Variants in TMEM232 observed in about 807,000 individuals in gnomAD.
TMEM232 encodes transmembrane protein 232.
TMEM232 carries 80 observed loss-of-function variants against 78.8 expected under a neutral mutation model. The ratio of observed to expected loss-of-function variants is 1.01; its 90% CI spans 0.85 to 1.22. The LOEUF is 1.22. Among genes scored for constraint, TMEM232 ranks in the 50% most tolerant of loss-of-function variants. The pLI is 0.00. For synonymous variants in TMEM232, 297 were observed against 254.3 expected (o/e 1.17, Z -1.60); for missense variants, 881 against 742.2 (o/e 1.19, Z -2.17).
intron 2 of TMEM232, among the ~76,000 whole-genome samples, chr5:110,654,483 G>C (rs961855561): frequency 1.3e-5 from 2 of 152,048 alleles, no homozygotes; most frequent in Non-Finnish European, 2.9e-5. Flanking sequence ...TATTTCTGAG[G>C]GCTCTGTTCT....
chr5:110,704,653 T>C (rs1795750198), intron 1 of TMEM232, among the ~76,000 whole-genome samples: 1 of 152,084 alleles, frequency 6.6e-6, no homozygotes, highest in African/African-American at 2.4e-5. Flanking sequence ...CAAGTGGACA[T>C]TGAAACCCTG....
chr5:110,516,539 T>C (rs548102247), intron 12 of TMEM232, among the ~76,000 whole-genome samples: 12 of 152,148 alleles, frequency 7.9e-5, no homozygotes, highest in Non-Finnish European at 1.6e-4. Flanking sequence ...GTAGAACTAT[T>C]ACATACCTAT....
intron 8 of TMEM232, among the ~76,000 whole-genome samples, chr5:110,616,199 A>G (rs1437864969): frequency 6.6e-6 from 1 of 152,080 alleles, no homozygotes; most frequent in East Asian, 1.9e-4. Flanking sequence ...TAATCAAAAC[A>G]GCACGGCAAT....
At chr5:110,665,571 C>G (rs746625246) in intron 2 of TMEM232, among the ~76,000 whole-genome samples, 3 of 152,060 alleles carry the variant, frequency 2.0e-5, no homozygotes, top group Non-Finnish European at 4.4e-5. Context: ...ATCAAACAAC[C>G]AGACTGCATA....
Position 110,469,448 on chromosome 5 carries a change from A to G in TMEM232, c.1704-44532T>C, listed in dbSNP as rs78864105. ...TCATGGCTGTGCCCTGCCTCCTCAG[A>G]GACCAAGCTGAAGTTACACATTCCT... is the stretch of plus-strand genomic sequence containing the variant. On this transcript the variant is annotated intron_variant, in intron 12 of 13. Transcript: ENST00000455884. 1.1e-4 allele frequency among the ~76,000 whole-genome samples: 16 copies of G among 152,282 alleles called. No individual in the cohort carries two copies. The East Asian group carries it at 3.1e-3, about 29-fold the overall frequency.
Position 110,590,483 on chromosome 5 carries a change from A to C in TMEM232, c.1276+14626T>G, listed in dbSNP as rs371841983. Among the ~76,000 whole-genome samples, 10 of 152,194 alleles carry C rather than the reference A, an allele frequency of 6.6e-5. 1 individual carries two copies. Among genetic ancestry groups the C allele is most frequent in the East Asian group, 5.8e-4 (3 of 5,166 alleles). On this transcript the variant is annotated intron_variant, in intron 10 of 13. Transcript: ENST00000455884. ...GTGAACAGTGCATGAGTGGGATCTAAGTTGCTGCTCCTTATGAAAATTTAA... is the reference window on the plus strand; with the variant it reads ...GTGAACAGTGCATGAGTGGGATCTACGTTGCTGCTCCTTATGAAAATTTAA...
At chr5:110,675,720 G>A (rs1049791664) in intron 1 of TMEM232, among the ~76,000 whole-genome samples, 1 of 152,156 alleles carries the variant, frequency 6.6e-6, no homozygotes, top group African/African-American at 2.4e-5. Context: ...TGCATACATT[G>A]TGAAATGATT....
chr5:110,415,142 G>A (rs571309247), downstream of TMEM232, among the ~76,000 whole-genome samples: 1 of 151,654 alleles, frequency 6.6e-6, no homozygotes, highest in East Asian at 1.9e-4. Flanking sequence ...TTCTCCTGAG[G>A]TACAGAGTAA....
At chr5:110,401,561 T>C (rs537616126) in intron 2 of TMEM232, among the ~76,000 whole-genome samples, 34 of 152,180 alleles carry the variant, frequency 2.2e-4, no homozygotes, top group South Asian at 2.1e-3. Context: ...TTTTATGCTG[T>C]GGTAGCTTGT....
In TMEM232 at chr5:110,546,765, T is replaced by C. The variant is rs1288333143; in HGVS notation, c.1456-17930A>G. On this transcript the variant is annotated intron_variant, in intron 11 of 13. Transcript: ENST00000455884. ...GTCTGAAGACTAATTTTTTAAATCC[T>C]TGTGACATGAAAGGTTTTATATAGT... Among the ~76,000 whole-genome samples, 3 of 152,142 alleles carry C rather than the reference T, an allele frequency of 2.0e-5. No homozygotes were observed. In the East Asian group the frequency reaches 5.8e-4, roughly 29 times the overall value.
intron 10 of TMEM232, among the ~76,000 whole-genome samples, chr5:110,602,259 C>A (rs973464449): frequency 2.5e-4 from 38 of 152,078 alleles, no homozygotes; most frequent in African/African-American, 8.9e-4. Context: ...GACTAAAACA[C>A]CGAAAGCAAT....
At chr5:110,577,644 G>A (rs1296647984) in intron 10 of TMEM232, among the ~76,000 whole-genome samples, 1 of 152,020 alleles carries the variant, frequency 6.6e-6, no homozygotes, top group African/African-American at 2.4e-5. Flanking sequence ...ATAGTAGACT[G>A]GATAAAGAAA....
intron 10 of TMEM232, among the ~76,000 whole-genome samples, chr5:110,577,640 G>C (rs2149714287): frequency 6.6e-6 from 1 of 152,198 alleles, no homozygotes; most frequent in African/African-American, 2.4e-5. Flanking sequence ...ATGAATAGTA[G>C]ACTGGATAAA....
rs1796169958 is a variant in TMEM232 at position 110,708,585 on chromosome 5, A to G, written c.-13+18042T>C. Among the ~76,000 whole-genome samples the G allele has an allele frequency of 4.3e-4, 3 of 6,974 alleles. No homozygotes were observed. In the South Asian group the frequency reaches 7.2e-3, roughly 17 times the overall value. 4.6% of individuals were successfully genotyped at this position (6,974 alleles called of 152,430 possible). ...ATAAAGTTAAAAAACAGGTGGATGA[A>G]GTTAAAAAGAGTTTTTATTAGTTTT... On this transcript the variant is annotated intron_variant, in intron 1 of 13. Coordinates refer to ENST00000455884, the MANE Select transcript of TMEM232 (RefSeq NM_001039763.4).
chr5:110,631,023 T>G (rs946660673), intron 5 of TMEM232, among the ~76,000 whole-genome samples: 1 of 151,964 alleles, frequency 6.6e-6, no homozygotes, highest in East Asian at 1.9e-4. Flanking sequence ...CATGTGAGAG[T>G]ACAGCCATCA....
chr5:110,660,427 A>C (rs1286072059), intron 2 of TMEM232, among the ~76,000 whole-genome samples: 1 of 152,114 alleles, frequency 6.6e-6, no homozygotes, highest in Admixed American at 6.6e-5. Flanking sequence ...CTCAGTAAGG[A>C]AAATTCAAAA....
At chr5:110,717,304 C>G (rs1299805426) in intron 1 of TMEM232, among the ~76,000 whole-genome samples, 3 of 151,758 alleles carry the variant, frequency 2.0e-5, no homozygotes, top group Non-Finnish European at 4.4e-5. Context: ...CTGTAGTTAA[C>G]AGAGGTCCAA....
intron 12 of TMEM232, among the ~76,000 whole-genome samples, chr5:110,472,001 T>G (rs952724721): frequency 6.6e-6 from 1 of 151,970 alleles, no homozygotes; most frequent in African/African-American, 2.4e-5. Flanking sequence ...AAGAAAGAGA[T>G]AAGTTCCTAG....
intron 7 of TMEM232, among the ~76,000 whole-genome samples, chr5:110,623,437 C>T (rs1353277758): frequency 6.6e-6 from 1 of 152,100 alleles, no homozygotes; most frequent in Admixed American, 6.6e-5. Context: ...GGAATAAATT[C>T]ACAAATCCTC....
Sources: gnomAD v4.1 joint callset for allele counts (sites outside exome capture counted in the v4.1 genomes callset) on GRCh38, gnomAD v4.1.1 for gene constraint, MANE v1.5 for transcripts, NCBI Gene and HGNC (gene_info 2026-07-23, HGNC 2026-07-21) for gene names.